The following FAM120A variants were observed in gnomAD, a reference collection of about 807,000 sequenced individuals.
The protein encoded by FAM120A is family with sequence similarity 120 member A.
Under a neutral mutation model 109.7 loss-of-function variants are expected in FAM120A, and 15 were observed. The ratio of observed to expected loss-of-function variants is 0.14; its 90% CI spans 0.09 to 0.21. The LOEUF (loss-of-function observed/expected upper bound fraction) is 0.21. Ranked by LOEUF, FAM120A falls within the 10% of genes least tolerant of loss-of-function variation. FAM120A has a pLI of 1.00. For synonymous variants in FAM120A, 493 were observed against 572.8 expected (o/e 0.86, Z 1.99); for missense variants, 899 against 1,439.3 (o/e 0.62, Z 6.07).
At chr9:93,557,787 C>CTG (rs1862338687) in intron 13 of FAM120A, 40 bp from the exon 14 acceptor site, 1 of 1,586,454 alleles carries the variant, frequency 6.3e-7, no homozygotes, top group Non-Finnish European at 8.6e-7. Context: ...TTAAAACCCC[C>CTG]TGTGGATGGC....
chr9:93,546,728 C>G (rs868140228), intron 11 of FAM120A, among the ~76,000 whole-genome samples: 13 of 152,238 alleles, frequency 8.5e-5, no homozygotes, highest in Admixed American at 2.6e-4. Context: ...GTCGGCAAGA[C>G]AGAAATGAAT....
chr9:93,457,667 A>T (rs1418864545), intron 1 of FAM120A, among the ~76,000 whole-genome samples: 1 of 152,148 alleles, frequency 6.6e-6, no homozygotes, highest in East Asian at 1.9e-4. Context: ...CCAGATTTTT[A>T]AAAAAATTAT....
chr9:93,547,863 T>TA (rs1861943963), intron 11 of FAM120A, among the ~76,000 whole-genome samples: 1 of 152,178 alleles, frequency 6.6e-6, no homozygotes, highest in Non-Finnish European at 1.5e-5. Flanking sequence ...TCTATGTATG[T>TA]ATGTATGTAC....
At chr9:93,519,276 T>A (rs1362665781) in intron 7 of FAM120A, among the ~76,000 whole-genome samples, 1 of 152,198 alleles carries the variant, frequency 6.6e-6, no homozygotes, top group Non-Finnish European at 1.5e-5. Context: ...AATTTTACTC[T>A]TGTTGGCCAG....
intron 5 of FAM120A, among the ~76,000 whole-genome samples, chr9:93,504,921 A>G (rs1326767227): frequency 6.6e-6 from 1 of 152,072 alleles, no homozygotes; most frequent in Non-Finnish European, 1.5e-5. Context: ...TGGTCTAGTG[A>G]TTATGAAACT....
intron 3 of FAM120A, among the ~76,000 whole-genome samples, chr9:93,476,622 G>A (rs755777164): frequency 2.0e-5 from 3 of 152,212 alleles, no homozygotes; most frequent in Admixed American, 1.3e-4. Flanking sequence ...TTGAGCTGAT[G>A]TTTTATATAT....
At position 93,497,387 on chromosome 9, in the gene FAM120A, G is replaced by T; in HGVS notation, c.805-84G>T. ...ATAAGATCTTAGATGGTAGCTCCTT[G>T]TTGAATTTCTGGCTCCTGCATTCAG... On this transcript the variant is annotated intron_variant, in intron 3 of 17. Transcript: ENST00000277165. 4.5e-6 allele frequency: 7 copies of T among 1,544,264 alleles called. No homozygotes were observed. The South Asian group carries it at 8.3e-5, about 18-fold the overall frequency.
intron 5 of FAM120A, among the ~76,000 whole-genome samples, chr9:93,502,976 C>T (rs10821144): frequency 0.55 from 83,229 of 152,078 alleles, 23,295 homozygotes; most frequent in African/African-American, 0.64. Context: ...GCACAGATCC[C>T]GTGTGCAGGT....
chr9:93,559,127 TCA>T (rs1347075118), intron 15 of FAM120A, among the ~76,000 whole-genome samples: 2 of 152,214 alleles, frequency 1.3e-5, no homozygotes, highest in East Asian at 3.8e-4. Context: ...AAAAAGTCTG[TCA>T]CAGTTTGTTT....
intron 5 of FAM120A, among the ~76,000 whole-genome samples, chr9:93,502,004 A>G (rs146907968): frequency 1.4e-3 from 206 of 152,282 alleles, no homozygotes; most frequent in African/African-American, 4.5e-3. Flanking sequence ...CTGGCAACTC[A>G]AGTTAGAACC....
chr9:93,475,622 C>T (rs1477404594), intron 2 of FAM120A, among the ~76,000 whole-genome samples: 1 of 152,138 alleles, frequency 6.6e-6, no homozygotes, highest in African/African-American at 2.4e-5. Flanking sequence ...TATAGTTTCT[C>T]AATTGAATAC....
chr9:93,490,696 G>A (rs1030115391), intron 3 of FAM120A, among the ~76,000 whole-genome samples: 3 of 152,190 alleles, frequency 2.0e-5, no homozygotes, highest in Non-Finnish European at 4.4e-5. Flanking sequence ...TGCTTCTTTA[G>A]CAGGGGCTAA....
chr9:93,554,037 T>C (rs1323183886), intron 12 of FAM120A, among the ~76,000 whole-genome samples: 1 of 151,802 alleles, frequency 6.6e-6, no homozygotes, highest in Non-Finnish European at 1.5e-5. Flanking sequence ...TTAATGCTAA[T>C]TGAACCATTA....
chr9:93,543,502 G>A (rs764457021), intron 11 of FAM120A, 31 bp downstream of exon 11: 2 of 1,605,212 alleles, frequency 1.2e-6, no homozygotes, highest in Non-Finnish European at 1.7e-6. Flanking sequence ...CTGGGACCTG[G>A]GTCCCCGCCA....
chr9:93,496,034 A>G (rs1394914282), intron 3 of FAM120A, among the ~76,000 whole-genome samples: 2 of 152,214 alleles, frequency 1.3e-5, no homozygotes, highest in South Asian at 2.1e-4. Context: ...TTGCTTGTCC[A>G]TAACAAGTAC....
rs374794862 is a variant in FAM120A at position 93,452,186 on chromosome 9, G to C, written c.271G>C (p.Glu91Gln). 8.1e-6 allele frequency: 13 copies of C among 1,611,588 alleles called. No individual in the cohort carries two copies. Among genetic ancestry groups the C allele is most frequent in the African/African-American group, 4.0e-5 (3 of 74,776 alleles). Residue 91 changes from glutamate (E) to glutamine (Q), a missense_variant, in exon 1 of 18, where the codon GAG (glutamate) becomes CAG (glutamine). Glu to Gln is a conservative substitution (Grantham distance 29). Transcript: ENST00000277165. This position sits in a 1 kb window ranked among gnomAD's most constrained non-coding sequence, Gnocchi z 7.0. Reference sequence around the variant, plus strand: ...CAAGGCCTGCTTCGGCGGCAACATCGAGCTCTTCGTCTTCTTCAACGGCGC... The same window carrying C: ...CAAGGCCTGCTTCGGCGGCAACATCCAGCTCTTCGTCTTCTTCAACGGCGC... ...LAKACFGGNIELFVFFNGALE... is the reference protein window; with the variant it reads ...LAKACFGGNIQLFVFFNGALE...
chr9:93,554,191 G>C, intron 12 of FAM120A, among the ~76,000 whole-genome samples: 1 of 85,610 alleles, frequency 1.2e-5, no homozygotes, highest in East Asian at 4.5e-4. Flanking sequence ...TAGCCTTGCT[G>C]CATTCTTCCT....
At position 93,527,023 on chromosome 9, in the gene FAM120A, T is replaced by A; in HGVS notation, c.1419-132T>A. 3 of 678,448 alleles carry A rather than the reference T, an allele frequency of 4.4e-6. No homozygotes were observed. In the South Asian group the frequency reaches 5.5e-5, roughly 12 times the overall value. The allele number at this position is 678,448 out of a possible 1,614,324, so 42.0% of individuals were successfully genotyped here. A position where few individuals can be genotyped will look rare whatever the true frequency, so the allele number is the denominator to read the frequency against. ...GGAAGAAATATTAGTATAATAGAGTTATTTCTCGATGTTGTGTTTATTTTA... is the reference window on the plus strand; with the variant it reads ...GGAAGAAATATTAGTATAATAGAGTAATTTCTCGATGTTGTGTTTATTTTA... On this transcript the variant is annotated intron_variant, in intron 7 of 17. Transcript: ENST00000277165.
intron 3 of FAM120A, among the ~76,000 whole-genome samples, chr9:93,493,362 T>C (rs1564325182): frequency 6.6e-6 from 1 of 152,144 alleles, no homozygotes; most frequent in Non-Finnish European, 1.5e-5. Context: ...TCAAACACAA[T>C]GATGTTGAGG....
Sources: gnomAD v4.1 joint callset for allele counts (sites outside exome capture counted in the v4.1 genomes callset) on GRCh38, gnomAD v4.1.1 for gene constraint, Gnocchi (gnomAD v3.1) non-coding constraint, MANE v1.5 for transcripts, NCBI Gene and HGNC (gene_info 2026-07-23, HGNC 2026-07-21) for gene names.